Variants in EXTL1 observed in about 807,000 individuals in gnomAD.
EXTL1 encodes the protein exostosin-like 1.
EXTL1 carries 43 observed loss-of-function variants against 64.6 expected under a neutral mutation model. That is an observed-to-expected ratio of 0.67 (90% confidence interval 0.52 to 0.86). The LOEUF (loss-of-function observed/expected upper bound fraction) is 0.86, where lower values mean the gene tolerates loss of function less well. EXTL1 is among the 40% of genes least tolerant of loss of function. The pLI, the probability that EXTL1 is intolerant of heterozygous loss-of-function variation, is 0.00. For missense variants in EXTL1, 766 were observed against 879.0 expected (o/e 0.87, Z 1.62); for synonymous variants, 352 against 360.5 (o/e 0.98, Z 0.27).
rs2050158542 is a variant in EXTL1, at chr1:26,022,305, C to G, written c.-342C>G. The G allele has an allele frequency of 4.0e-6, 1 of 250,410 alleles. No individual in the cohort carries two copies. The highest frequency in any genetic ancestry group is 2.2e-5 in the African/African-American group (1 of 44,494). 15.5% of individuals were successfully genotyped at this position (250,410 alleles called of 1,614,324 possible). A position where few individuals can be genotyped will look rare whatever the true frequency, so the allele number is the denominator to read the frequency against. ...GGGGGACACGGCCCTGCATTCTGGA[C>G]AGGGGTTGCGTCAGCCAGAGCAGTG... On this transcript the variant is annotated 5_prime_UTR_variant, in exon 1 of 11. Coordinates refer to ENST00000374280, the MANE Select transcript of EXTL1 (RefSeq NM_004455.3).
chr1:26,026,870 G>GC lies in EXTL1; in HGVS notation c.780-2322dup, dbSNP rs1395069104. On this transcript the variant is annotated intron_variant, in intron 1 of 10. Transcript: ENST00000374280. ...CTTCTTCAGTGGTCACCACATAGAT[G>GC]CACAAGTTTCCTCTGTAACACATTC... Among the ~76,000 whole-genome samples, 3 of 152,162 alleles carry GC rather than the reference G, an allele frequency of 2.0e-5. No homozygotes were observed. The East Asian group carries it at 5.8e-4, about 29-fold the overall frequency.
Sources: allele counts gnomAD v4.1 joint callset (sites outside exome capture counted in the v4.1 genomes callset), GRCh38; gene constraint gnomAD v4.1.1; transcripts MANE v1.5; gene names NCBI Gene and HGNC (gene_info 2026-07-23, HGNC 2026-07-21).